HS6ST3: variants seen among roughly 807,000 people sequenced by gnomAD.
HS6ST3 encodes the protein heparan-sulfate 6-O-sulfotransferase 3.
In HS6ST3, 12 loss-of-function variants were observed where a neutral mutation model predicts 36.7. The ratio of observed to expected loss-of-function variants is 0.33; its 90% CI spans 0.21 to 0.53. The LOEUF (loss-of-function observed/expected upper bound fraction) is 0.53, where lower values mean the gene tolerates loss of function less well. HS6ST3 is among the 20% of genes least tolerant of loss of function. HS6ST3 has a pLI of 0.95. For missense variants in HS6ST3, 584 were observed against 640.9 expected (o/e 0.91, Z 0.96); for synonymous variants, 240 against 257.5 (o/e 0.93, Z 0.65).
chr13:96,750,857 A>C (rs1876683848), intron 1 of HS6ST3, among the ~76,000 whole-genome samples: 1 of 152,206 alleles, frequency 6.6e-6, no homozygotes. Flanking sequence ...TGTCAATAGC[A>C]TTTTAGTTTC....
chr13:96,349,503 A>G (rs905721212), intron 1 of HS6ST3, among the ~76,000 whole-genome samples: 9 of 152,224 alleles, frequency 5.9e-5, no homozygotes, highest in African/African-American at 2.2e-4. Context: ...ACCTTCTGAG[A>G]AAGGAAACAT....
At chr13:96,114,154 T>G (rs1376154664) in intron 1 of HS6ST3, among the ~76,000 whole-genome samples, 1 of 151,924 alleles carries the variant, frequency 6.6e-6, no homozygotes, top group African/African-American at 2.4e-5. Flanking sequence ...AATAATTCTT[T>G]TTTTTTTCTT....
At chr13:96,495,926 C>T (rs1279040754) in intron 1 of HS6ST3, among the ~76,000 whole-genome samples, 3 of 152,216 alleles carry the variant, frequency 2.0e-5, no homozygotes, top group Non-Finnish European at 4.4e-5. Context: ...AAGGCCCCCA[C>T]GCAAGACAGG....
chr13:96,767,034 G>A (rs928303876), intron 1 of HS6ST3, among the ~76,000 whole-genome samples: 1 of 152,110 alleles, frequency 6.6e-6, no homozygotes, highest in Non-Finnish European at 1.5e-5. Flanking sequence ...ATTCATCAAA[G>A]GCTTTGAGAT....
chr13:96,243,509 T>G (rs1290915128), intron 1 of HS6ST3, among the ~76,000 whole-genome samples: 1 of 152,172 alleles, frequency 6.6e-6, no homozygotes, highest in Non-Finnish European at 1.5e-5. Context: ...GACTAGTCCT[T>G]TGGAAACTGG....
chr13:96,603,568 G>A (rs1306165319), intron 1 of HS6ST3, among the ~76,000 whole-genome samples: 2 of 152,040 alleles, frequency 1.3e-5, no homozygotes, highest in African/African-American at 4.8e-5. Context: ...TTTCTGTGGG[G>A]TATATACCTA....
intron 1 of HS6ST3, among the ~76,000 whole-genome samples, chr13:96,487,062 A>G (rs1280985098): frequency 1.3e-5 from 2 of 152,144 alleles, no homozygotes; most frequent in Non-Finnish European, 2.9e-5. Context: ...TCAATTATCA[A>G]TTACAATCAA....
intron 1 of HS6ST3, among the ~76,000 whole-genome samples, chr13:96,383,255 C>T (rs1036903893): frequency 6.6e-6 from 1 of 152,042 alleles, no homozygotes; most frequent in Admixed American, 6.6e-5. Flanking sequence ...AGTTCGAGAC[C>T]AGCCTGGGCA....
At chr13:96,472,669 T>A (rs1276977228) in intron 1 of HS6ST3, among the ~76,000 whole-genome samples, 1 of 152,150 alleles carries the variant, frequency 6.6e-6, no homozygotes, top group Non-Finnish European at 1.5e-5. Context: ...TAGCAATACC[T>A]CAGTTAACTT....
At chr13:96,382,028 C>T (rs2055343997) in intron 1 of HS6ST3, among the ~76,000 whole-genome samples, 1 of 152,050 alleles carries the variant, frequency 6.6e-6, no homozygotes, top group Admixed American at 6.6e-5. Flanking sequence ...TGGCTCATGG[C>T]TCCCAAAGGA....
At chr13:96,814,103 A>T (rs1429309990) in intron 1 of HS6ST3, among the ~76,000 whole-genome samples, 1 of 152,122 alleles carries the variant, frequency 6.6e-6, no homozygotes, top group Non-Finnish European at 1.5e-5. Flanking sequence ...CTGAATTGTC[A>T]TCCTTGTAAA....
chr13:96,384,866 A>G (rs1455777953), intron 1 of HS6ST3, among the ~76,000 whole-genome samples: 1 of 152,172 alleles, frequency 6.6e-6, no homozygotes, highest in Non-Finnish European at 1.5e-5. Flanking sequence ...TCAGACTTGT[A>G]TGATTAAAAA....
chr13:96,467,629 TAATTAA>T (rs2055820635), intron 1 of HS6ST3, among the ~76,000 whole-genome samples: 1 of 151,194 alleles, frequency 6.6e-6, no homozygotes, highest in Non-Finnish European at 1.5e-5. Context: ...GTGCTAATAA[TAATTAA>T]TAATAAGTGA....
intron 1 of HS6ST3, among the ~76,000 whole-genome samples, chr13:96,802,436 G>C (rs1467622258): frequency 6.6e-6 from 1 of 152,138 alleles, no homozygotes; most frequent in Non-Finnish European, 1.5e-5. Context: ...AACTCACTTT[G>C]TGAGGAAAAG....
chr13:96,815,146 G>A (rs935930540), intron 1 of HS6ST3, among the ~76,000 whole-genome samples: 11 of 152,206 alleles, frequency 7.2e-5, no homozygotes, highest in Non-Finnish European at 1.6e-4. Flanking sequence ...CCAAGATCAA[G>A]ATGTCAGCAG....
At chr13:96,555,485 A>G (rs949589710) in intron 1 of HS6ST3, among the ~76,000 whole-genome samples, 2 of 152,170 alleles carry the variant, frequency 1.3e-5, no homozygotes, top group Non-Finnish European at 2.9e-5. Flanking sequence ...GATAAGATAG[A>G]GATATATAAT....
At chr13:96,696,191 C>T (rs1875122810) in intron 1 of HS6ST3, among the ~76,000 whole-genome samples, 1 of 152,274 alleles carries the variant, frequency 6.6e-6, no homozygotes, top group Middle Eastern at 3.4e-3. Flanking sequence ...GAAGGGCCGG[C>T]TGGAACTTTC....
intron 1 of HS6ST3, among the ~76,000 whole-genome samples, chr13:96,466,983 C>T (rs137871906): frequency 3.3e-4 from 51 of 152,292 alleles, no homozygotes; most frequent in Non-Finnish European, 5.9e-5. Context: ...AAATTATATA[C>T]AGTGTTACTG....
At chr13:96,601,806 G>A (rs148950779) in intron 1 of HS6ST3, among the ~76,000 whole-genome samples, 5 of 152,286 alleles carry the variant, frequency 3.3e-5, no homozygotes, top group East Asian at 3.9e-4. Context: ...TTTTGAGGAT[G>A]TGACTTTAGT....
Sources: gnomAD v4.1 joint callset for allele counts (sites outside exome capture counted in the v4.1 genomes callset) on GRCh38, gnomAD v4.1.1 for gene constraint, MANE v1.5 for transcripts, NCBI Gene and HGNC (gene_info 2026-07-23, HGNC 2026-07-21) for gene names.